SPAG17: variants seen among roughly 807,000 people sequenced by gnomAD.
SPAG17 encodes the protein sperm-associated antigen 17.
A neutral mutation model predicts 273.6 loss-of-function variants in SPAG17; 169 were observed. That is an observed-to-expected ratio of 0.62 (90% confidence interval 0.55 to 0.70). The LOEUF (loss-of-function observed/expected upper bound fraction) is 0.70. SPAG17 is among the 30% of genes least tolerant of loss of function. The probability of loss-of-function intolerance (pLI) is 0.00; values close to 1 mark genes in which losing one functional copy is unlikely to be tolerated. For synonymous variants in SPAG17, 825 were observed against 873.2 expected, an observed-to-expected ratio of 0.94 and a Z score of 0.97; for missense variants, 2,557 against 2,627.8, an observed-to-expected ratio of 0.97 and a Z score of 0.59.
At chr1:118,122,277 T>A (rs867921165) in intron 3 of SPAG17, among the ~76,000 whole-genome samples, 1 of 151,970 alleles carries the variant, frequency 6.6e-6, no homozygotes, top group African/African-American at 2.4e-5. Context: ...TTGCAAATGA[T>A]TGAAAAGGGC....
At chr1:118,180,549 A>C (rs1391564828) in intron 1 of SPAG17, among the ~76,000 whole-genome samples, 1 of 152,056 alleles carries the variant, frequency 6.6e-6, no homozygotes, top group Non-Finnish European at 1.5e-5. Flanking sequence ...TATAATTTAC[A>C]ATAATCTATC....
chr1:118,000,378 A>C (rs1443333141), intron 32 of SPAG17, among the ~76,000 whole-genome samples: 5 of 152,182 alleles, frequency 3.3e-5, no homozygotes, highest in African/African-American at 7.2e-5. Context: ...TGGTAGCTTG[A>C]TGGGGATGGC....
At chr1:117,993,941 G>A (rs1466567372) in intron 35 of SPAG17, among the ~76,000 whole-genome samples, 1 of 152,126 alleles carries the variant, frequency 6.6e-6, no homozygotes, top group African/African-American at 2.4e-5. Flanking sequence ...AATTGCAAAT[G>A]TGCGTAAAAT....
At chr1:118,006,487 C>T (rs1330113580) in intron 31 of SPAG17, among the ~76,000 whole-genome samples, 2 of 152,148 alleles carry the variant, frequency 1.3e-5, no homozygotes, top group African/African-American at 4.8e-5. Flanking sequence ...TTTCTTTATT[C>T]ACTTATGAGT....
At position 118,042,047 on chromosome 1, in the gene SPAG17, A is replaced by G. The variant is rs1394258245; in HGVS notation, c.2815-5T>C. On this transcript the variant is annotated splice_region_variant and splice_polypyrimidine_tract_variant and intron_variant, in intron 20 of 48. Coordinates refer to ENST00000336338, the MANE Select transcript of SPAG17 (RefSeq NM_206996.4). ...ATGTTGCTCTTCTTTCCATGCCTGT[A>G]AACACATTTAAGAAATTTAACAGGA... The G allele has an allele frequency of 5.0e-6, 8 of 1,599,850 alleles. No homozygotes were observed. Among genetic ancestry groups the G allele is most frequent in the Non-Finnish European group, 6.8e-6 (8 of 1,176,588 alleles).
At chr1:118,021,732 T>C (rs1660514786) in intron 28 of SPAG17, among the ~76,000 whole-genome samples, 1 of 152,122 alleles carries the variant, frequency 6.6e-6, no homozygotes, top group African/African-American at 2.4e-5. Flanking sequence ...GAGTGCATCA[T>C]CTTGGATGGA....
At chr1:117,995,833 T>C (rs1301532508) in intron 34 of SPAG17, among the ~76,000 whole-genome samples, 1 of 151,992 alleles carries the variant, frequency 6.6e-6, no homozygotes, top group African/African-American at 2.4e-5. Context: ...GGTTCTTACT[T>C]AATGTTTTAT....
At chr1:118,058,432 C>T (rs1326041795) in intron 18 of SPAG17, among the ~76,000 whole-genome samples, 1 of 152,184 alleles carries the variant, frequency 6.6e-6, no homozygotes, top group Non-Finnish European at 1.5e-5. Flanking sequence ...GTTTGAAACT[C>T]CTGTTCTCAA....
At chr1:118,156,917 A>G (rs527577086) in intron 1 of SPAG17, among the ~76,000 whole-genome samples, 5 of 151,998 alleles carry the variant, frequency 3.3e-5, no homozygotes, top group Admixed American at 2.6e-4. Context: ...GTGTGCTGTC[A>G]TGTTCCATAA....
chr1:118,150,569 C>T lies in SPAG17; in HGVS notation c.289G>A (p.Gly97Ser). The change falls in exon 3 of 49, where the codon GGT (glycine) becomes AGT (serine). Residue 97 changes from glycine (G) to serine (S), a missense_variant. Physicochemically the swap from Gly to Ser is moderately conservative, Grantham distance 56 (BLOSUM62 0). Coordinates refer to ENST00000336338, the MANE Select transcript of SPAG17 (RefSeq NM_206996.4). ...ASSKKAKKPV[G>S]GNAPLYYEVL... is the part of the protein sequence containing the mutation. The stretch of plus-strand genomic sequence containing the variant: ...TCATAATATAAAGGAGCATTACCAC[C>T]TACAGGTTTTTTTGCCTTTTTAGAT... The T allele has an allele frequency of 6.3e-7, 1 of 1,578,794 alleles. No homozygotes were observed. Among genetic ancestry groups the T allele is most frequent in the Non-Finnish European group, 8.7e-7 (1 of 1,153,040 alleles).
chr1:118,164,228 A>G (rs1445541462), intron 1 of SPAG17, among the ~76,000 whole-genome samples: 2 of 152,194 alleles, frequency 1.3e-5, no homozygotes, highest in Non-Finnish European at 2.9e-5. Context: ...TGAGCTATAT[A>G]GTCCGTATTT....
intron 1 of SPAG17, among the ~76,000 whole-genome samples, chr1:118,169,752 A>T (rs1170419727): frequency 6.6e-6 from 1 of 152,162 alleles, no homozygotes; most frequent in African/African-American, 2.4e-5. Context: ...AACAATACCT[A>T]TCTTGAACTC....
In SPAG17 at chr1:117,954,552, A is replaced by G; in HGVS notation, c.*1-503T>C. 4 of 1,608,672 alleles carry G rather than the reference A, an allele frequency of 2.5e-6. No homozygotes were observed. The East Asian group carries it at 8.9e-5, about 36-fold the overall frequency. The stretch of plus-strand genomic sequence containing the variant: ...TGCTACCTAAGTCTCAGTTTTTTTA[A>G]TGACTTGATTTAATAATTTCTTCAT... On this transcript the variant is annotated intron_variant, in intron 48 of 48. Coordinates refer to ENST00000336338, the MANE Select transcript of SPAG17 (RefSeq NM_206996.4).
At chr1:118,147,220 C>A (rs1029192066) in intron 3 of SPAG17, among the ~76,000 whole-genome samples, 1 of 152,056 alleles carries the variant, frequency 6.6e-6, no homozygotes, top group African/African-American at 2.4e-5. Flanking sequence ...ATATTCCTTC[C>A]TCTCTCTTCA....
intron 43 of SPAG17, among the ~76,000 whole-genome samples, chr1:117,973,970 A>G (rs1351466106): frequency 2.0e-5 from 3 of 152,176 alleles, no homozygotes; most frequent in Non-Finnish European, 4.4e-5. Flanking sequence ...TTGCAGCTGC[A>G]TCCATGTTGG....
At chr1:118,023,135 C>T (rs777236913) in intron 28 of SPAG17, among the ~76,000 whole-genome samples, 169 bp downstream of exon 28, 2 of 151,902 alleles carry the variant, frequency 1.3e-5, no homozygotes, top group African/African-American at 2.4e-5. Flanking sequence ...TGAAACAGTA[C>T]GTAATTCTGT....
intron 8 of SPAG17, 145 bp downstream of exon 8, chr1:118,093,011 T>C (rs542990572): frequency 1.2e-6 from 1 of 824,692 alleles, no homozygotes; most frequent in East Asian, 2.7e-5. Flanking sequence ...AAAGCCCCCA[T>C]CATGTAGCTA....
intron 3 of SPAG17, among the ~76,000 whole-genome samples, chr1:118,128,432 T>C (rs1030680754): frequency 6.6e-6 from 1 of 152,194 alleles, no homozygotes; most frequent in Non-Finnish European, 1.5e-5. Flanking sequence ...CTTCCAGTAC[T>C]ATGTTGAATA....
At chr1:118,046,294 G>C (rs924390082) in intron 20 of SPAG17, among the ~76,000 whole-genome samples, 1 of 151,896 alleles carries the variant, frequency 6.6e-6, no homozygotes, top group African/African-American at 2.4e-5. Flanking sequence ...TTATAATCAC[G>C]CCACTGCACT....
Sources: allele counts gnomAD v4.1 joint callset (sites outside exome capture counted in the v4.1 genomes callset), GRCh38; gene constraint gnomAD v4.1.1; transcripts MANE v1.5; gene names NCBI Gene and HGNC (gene_info 2026-07-23, HGNC 2026-07-21).